The following CIP2A variants were observed in gnomAD, a reference collection of about 807,000 sequenced individuals.
CIP2A encodes the protein cellular inhibitor of PP2A.
CIP2A carries 103 observed loss-of-function variants against 110.9 expected under a neutral mutation model. That is an observed-to-expected ratio of 0.93 (90% confidence interval 0.79 to 1.09). The LOEUF is 1.09. Ranked by LOEUF, CIP2A falls within the 50% of genes least tolerant of loss-of-function variation. CIP2A has a pLI of 0.00. For synonymous variants in CIP2A, 381 were observed against 361.6 expected, an observed-to-expected ratio of 1.05 and a Z score of -0.61; for missense variants, 1,088 against 1,038.4, an observed-to-expected ratio of 1.05 and a Z score of -0.66.
chr3:108,575,255 T>C (rs946891832), intron 8 of CIP2A, among the ~76,000 whole-genome samples: 4 of 151,758 alleles, frequency 2.6e-5, no homozygotes, highest in Non-Finnish European at 4.4e-5. Context: ...CCAAAATATA[T>C]ATGTACATGT....
chr3:108,575,350 A>C (rs544096872), intron 8 of CIP2A, among the ~76,000 whole-genome samples: 1 of 149,542 alleles, frequency 6.7e-6, no homozygotes, highest in Admixed American at 6.6e-5. Context: ...ACATATACAC[A>C]CATGTGTATA....
chr3:108,583,306 C>A (rs546107181), intron 2 of CIP2A, among the ~76,000 whole-genome samples: 1 of 152,002 alleles, frequency 6.6e-6, no homozygotes, highest in Admixed American at 6.6e-5. Context: ...TTGTAGCAAG[C>A]TTTTTCTTTG....
At position 108,552,281 on chromosome 3, in the gene CIP2A, T is replaced by A; in HGVS notation, c.2500A>T (p.Lys834Ter). 3.8e-6 allele frequency: 6 copies of A among 1,576,834 alleles called. No homozygotes were observed. The highest frequency in any genetic ancestry group is 5.2e-6 in the Non-Finnish European group (6 of 1,158,466). The change falls in exon 20 of 21, where the codon AAA becomes TAA. Residue 834 changes from lysine (K) to a stop codon, truncating the protein, a stop_gained. Coordinates refer to ENST00000295746, the MANE Select transcript of CIP2A (RefSeq NM_020890.3). LOFTEE classifies it high-confidence loss of function. ...ATCTGTTCTGTTCTGCTTAATTCTTTTCTAAGGATATCAATGGTTTCTTCC... is the reference window on the plus strand; with the variant it reads ...ATCTGTTCTGTTCTGCTTAATTCTTATCTAAGGATATCAATGGTTTCTTCC... ...DKEETIDILR[K>*]ELSRTEQIRK...
At position 108,552,345 on chromosome 3, in the gene CIP2A, T is replaced by C. The variant is rs767359730; in HGVS notation, c.2436A>G (p.Glu812=). Reference sequence around the variant, plus strand: ...CCTTTTGTAAGGTTTTAATCTTTTCTTCTTGTACTTTTGTTTTTTGATGCA... The same window carrying C: ...CCTTTTGTAAGGTTTTAATCTTTTCCTCTTGTACTTTTGTTTTTTGATGCA... ...ANLHQKTKVQ[E]EKIKTLQKER... Residue 812 remains glutamate, a synonymous_variant, in exon 20 of 21, where the codon GAA becomes GAG. Transcript: ENST00000295746. The C allele has an allele frequency of 6.5e-7, 1 of 1,539,894 alleles. No individual in the cohort carries two copies. Among genetic ancestry groups the C allele is most frequent in the South Asian group, 1.2e-5 (1 of 82,286 alleles).
At chr3:108,578,808 G>A (rs1938765023) in intron 7 of CIP2A, among the ~76,000 whole-genome samples, 1 of 151,964 alleles carries the variant, frequency 6.6e-6, no homozygotes, top group Non-Finnish European at 1.5e-5. Context: ...TTTTACCTAT[G>A]AAAAGAGGCA....
chr3:108,551,346 G>A (rs1180531881), intron 20 of CIP2A, 27 bp from the exon 21 acceptor site: 2 of 1,511,776 alleles, frequency 1.3e-6, no homozygotes, highest in African/African-American at 1.4e-5. Flanking sequence ...GGGGGAGGAG[G>A]AAGAATTGAG....
chr3:108,581,652 A>C (rs908554075), intron 4 of CIP2A, 141 bp from the exon 5 acceptor site: 5 of 595,416 alleles, frequency 8.4e-6, no homozygotes, highest in Middle Eastern at 4.5e-4. Context: ...ACTAATTAAC[A>C]TAAGAAGCCA....
intron 16 of CIP2A, among the ~76,000 whole-genome samples, chr3:108,559,506 A>G (rs1937924867): frequency 6.6e-6 from 1 of 152,134 alleles, no homozygotes; most frequent in African/African-American, 2.4e-5. Context: ...TTTAGAATAT[A>G]AGTCCCAGAG....
At position 108,568,150 on chromosome 3, in the gene CIP2A, G is replaced by C. The variant is rs781288616; in HGVS notation, c.1273+5C>G. Reference sequence around the variant, plus strand: ...AGTTTTCACGTTAATGACAGTAAAGGATATTTAACAAAACTTCAATGGCCT... The same window carrying C: ...AGTTTTCACGTTAATGACAGTAAAGCATATTTAACAAAACTTCAATGGCCT... On this transcript the variant is annotated splice_donor_5th_base_variant and intron_variant, in intron 10 of 20. Transcript: ENST00000295746. The C allele has an allele frequency of 1.2e-6, 2 of 1,609,116 alleles. No individual in the cohort carries two copies. The highest frequency in any genetic ancestry group is 1.7e-6 in the Non-Finnish European group (2 of 1,176,348).
chr3:108,568,239 G>A lies in CIP2A; in HGVS notation c.1189C>T (p.Leu397Phe), dbSNP rs373630201. The A allele has an allele frequency of 6.2e-7, 1 of 1,612,260 alleles. No homozygotes were observed. Among genetic ancestry groups the A allele is most frequent in the Non-Finnish European group, 8.5e-7 (1 of 1,178,728 alleles). ...TLLLPTILDQ[L>F]QFTEQNLDEA... ...TCTAGATTTTGTTCTGTGAACTGAA[G>A]TTGATCAAGGATTGTAGGCAGCAGA... Residue 397 changes from leucine (L) to phenylalanine (F), a missense_variant, in exon 10 of 21, where the codon CTT (leucine) becomes TTT (phenylalanine). By Grantham distance (22) the Leu-to-Phe change is conservative. Transcript: ENST00000295746.
intron 1 of CIP2A, among the ~76,000 whole-genome samples, chr3:108,586,338 A>G (rs1939038026): frequency 6.6e-6 from 1 of 151,450 alleles, no homozygotes; most frequent in Non-Finnish European, 1.5e-5. Context: ...GGGGTAGGAA[A>G]TACTGTGGGC....
chr3:108,569,877 C>T (rs1938325581), intron 8 of CIP2A, among the ~76,000 whole-genome samples: 1 of 151,994 alleles, frequency 6.6e-6, no homozygotes, highest in African/African-American at 2.4e-5. Flanking sequence ...ACTCCTCCCA[C>T]TCCTTCCATA....
In CIP2A at chr3:108,559,977, C is replaced by G; in HGVS notation, c.1879G>C (p.Glu627Gln). 1 of 1,601,804 alleles carries G rather than the reference C, an allele frequency of 6.2e-7. No individual in the cohort carries two copies. The highest frequency in any genetic ancestry group is 8.5e-7 in the Non-Finnish European group (1 of 1,170,472). ...VRISDIMDVYEMKLSTLASKE... is the reference protein window; with the variant it reads ...VRISDIMDVYQMKLSTLASKE... ...ACAGCTAATGTGGATAGTTTCATTT[C>G]ATATACATCCATTATGTCAGATATT... Residue 627 changes from glutamate to glutamine, a missense_variant, in exon 15 of 21, where the codon GAA (glutamate) becomes CAA (glutamine). Physicochemically the swap from Glu to Gln is conservative, Grantham distance 29 (BLOSUM62 2). Transcript: ENST00000295746.
At chr3:108,556,804 G>C (rs1340905630) in intron 17 of CIP2A, among the ~76,000 whole-genome samples, 1 of 152,028 alleles carries the variant, frequency 6.6e-6, no homozygotes, top group African/African-American at 2.4e-5. Flanking sequence ...AACTACTTTT[G>C]ATCTGCAGAA....
intron 9 of CIP2A, among the ~76,000 whole-genome samples, chr3:108,568,809 C>T (rs1199542524): frequency 6.6e-6 from 1 of 151,848 alleles, no homozygotes; most frequent in African/African-American, 2.4e-5. Context: ...ACTTCATACA[C>T]ATATTTGTTT....
rs561905225 is a variant in CIP2A at position 108,560,836 on chromosome 3, C to T, written c.1640G>A (p.Gly547Glu). The stretch of plus-strand genomic sequence containing the variant: ...GGCATTGTTTGCTGCTATACTTTCT[C>T]CAAGTCTGAATGGGAGTCAAAGAAA... ...PLPDFPALVLGESIAANNAYR... is the reference protein window; with the variant it reads ...PLPDFPALVLEESIAANNAYR... Residue 547 changes from glycine to glutamate, a missense_variant, in exon 14 of 21, where the codon GGA (glycine) becomes GAA (glutamate). Gly to Glu is a moderately conservative substitution (Grantham distance 98). Transcript: ENST00000295746. 1 of 1,555,720 alleles carries T rather than the reference C, an allele frequency of 6.4e-7. No individual in the cohort carries two copies.
chr3:108,550,626 A>G lies in CIP2A; in HGVS notation c.*523T>C, dbSNP rs1447633979. Reference sequence around the variant, plus strand: ...GAAATTATGCTACAGCAGTATAAAAATTATTTTAAATTCACTAATATTTTC... The same window carrying G: ...GAAATTATGCTACAGCAGTATAAAAGTTATTTTAAATTCACTAATATTTTC... On this transcript the variant is annotated 3_prime_UTR_variant, in exon 21 of 21. Coordinates refer to ENST00000295746, the MANE Select transcript of CIP2A (RefSeq NM_020890.3). The G allele has an allele frequency of 1.3e-5, 2 of 151,716 alleles. No homozygotes were observed. The highest frequency in any genetic ancestry group is 3.9e-4 in the East Asian group (2 of 5,180). The allele number at this position is 151,716 out of a possible 1,614,324, so 9.4% of individuals were successfully genotyped here. A position where few individuals can be genotyped will look rare whatever the true frequency, so the allele number is the denominator to read the frequency against.
chr3:108,588,470 CA>C (rs1576324525), intron 1 of CIP2A, among the ~76,000 whole-genome samples: 1 of 149,964 alleles, frequency 6.7e-6, no homozygotes, highest in East Asian at 2.0e-4. Flanking sequence ...ATTTTTGGCA[CA>C]TTAGTCTTTT....
At chr3:108,556,573 ACACT>A in intron 17 of CIP2A, among the ~76,000 whole-genome samples, 1 of 152,190 alleles carries the variant, frequency 6.6e-6, no homozygotes, top group South Asian at 2.1e-4. Context: ...TTCAAAAAGG[ACACT>A]CAATCTGTAT....
Sources: allele counts gnomAD v4.1 joint callset (sites outside exome capture counted in the v4.1 genomes callset), GRCh38; gene constraint gnomAD v4.1.1; transcripts MANE v1.5; gene names NCBI Gene and HGNC (gene_info 2026-07-23, HGNC 2026-07-21).